The following BNC2 variants were observed in gnomAD, a reference collection of about 807,000 sequenced individuals.
BNC2 encodes zinc finger protein basonuclin-2.
A neutral mutation model predicts 76.3 loss-of-function variants in BNC2; 20 were observed. The observed-to-expected ratio is 0.26, with a 90% CI of 0.18 to 0.38. The LOEUF (loss-of-function observed/expected upper bound fraction) is 0.38, where lower values mean the gene tolerates loss of function less well. Ranked by LOEUF, BNC2 falls within the 10% of genes least tolerant of loss-of-function variation. The pLI is 1.00. For missense variants in BNC2, 1,382 were observed against 1,399.8 expected (o/e 0.99, Z 0.20); for synonymous variants, 582 against 514.8 (o/e 1.13, Z -1.77).
chr9:16,796,597 G>GAAGGGAAGGGAAGGGAAAGGGA (rs1221925210), intron 1 of BNC2, among the ~76,000 whole-genome samples: 1 of 149,448 alleles, frequency 6.7e-6, no homozygotes, highest in East Asian at 2.0e-4. Context: ...AAAAGGAAAG[G>GAAGGGAAGGGAAGGGAAAGGGA]AAGGGAAGGG....
chr9:16,578,045 T>A (rs1819534227), intron 4 of BNC2, among the ~76,000 whole-genome samples: 1 of 152,156 alleles, frequency 6.6e-6, no homozygotes. Flanking sequence ...AAAAAAATTT[T>A]TTTTTGTTTT....
At chr9:16,422,698 G>A (rs1361954400) in intron 6 of BNC2, among the ~76,000 whole-genome samples, 1 of 152,176 alleles carries the variant, frequency 6.6e-6, no homozygotes, top group East Asian at 1.9e-4. Flanking sequence ...TATTCCTAAG[G>A]TGGAAGGAAG....
intron 3 of BNC2, among the ~76,000 whole-genome samples, chr9:16,710,971 T>C (rs1339238352): frequency 6.6e-6 from 1 of 152,216 alleles, no homozygotes; most frequent in Non-Finnish European, 1.5e-5. Flanking sequence ...AGCAATTTTC[T>C]ATTCCCCAAA....
At chr9:16,808,710 T>G (rs1238522897) in intron 1 of BNC2, among the ~76,000 whole-genome samples, 1 of 151,530 alleles carries the variant, frequency 6.6e-6, no homozygotes, top group Non-Finnish European at 1.5e-5. Flanking sequence ...TTTTTTTATT[T>G]CAACTTCAAT....
intron 6 of BNC2, among the ~76,000 whole-genome samples, chr9:16,433,178 A>C (rs1820939848): frequency 6.6e-6 from 1 of 152,222 alleles, no homozygotes; most frequent in African/African-American, 2.4e-5. Context: ...TTTCTTAAGA[A>C]AATATAATGT....
intron 4 of BNC2, among the ~76,000 whole-genome samples, chr9:16,578,621 A>G (rs1170815320): frequency 6.6e-6 from 1 of 151,506 alleles, no homozygotes; most frequent in Non-Finnish European, 1.5e-5. Flanking sequence ...CCAAATTGCT[A>G]CTCTAGTGTG....
At chr9:16,661,110 C>T (rs1822098560) in intron 3 of BNC2, among the ~76,000 whole-genome samples, 1 of 152,134 alleles carries the variant, frequency 6.6e-6, no homozygotes. Context: ...ACCTTCCCAA[C>T]GTCATGTGGT....
At chr9:16,847,736 C>T (rs533821660) in intron 1 of BNC2, among the ~76,000 whole-genome samples, 1 of 152,172 alleles carries the variant, frequency 6.6e-6, no homozygotes, top group South Asian at 2.1e-4. Context: ...AATCATGATC[C>T]AGTTAGGATC....
chr9:16,777,543 A>G (rs1826002401), intron 1 of BNC2, among the ~76,000 whole-genome samples: 1 of 152,038 alleles, frequency 6.6e-6, no homozygotes. Context: ...CACTAAAAAT[A>G]CAAAAAAATT....
chr9:16,665,483 AAAG>A (rs1306064208), intron 3 of BNC2, among the ~76,000 whole-genome samples: 6 of 136,408 alleles, frequency 4.4e-5, no homozygotes, highest in Non-Finnish European at 9.1e-5. Context: ...AGAAAGAAAG[AAAG>A]AAAGAGAGAG....
At chr9:16,856,746 T>G (rs1819267494) in intron 1 of BNC2, among the ~76,000 whole-genome samples, 1 of 152,214 alleles carries the variant, frequency 6.6e-6, no homozygotes, top group Non-Finnish European at 1.5e-5. Flanking sequence ...CAGCCAAGTA[T>G]GTTTTCTTTT....
At chr9:16,460,240 A>T (rs1271434043) in intron 5 of BNC2, among the ~76,000 whole-genome samples, 1 of 152,148 alleles carries the variant, frequency 6.6e-6, no homozygotes, top group Non-Finnish European at 1.5e-5. Flanking sequence ...ATCAGGAAAA[A>T]AGGATTAAGC....
chr9:16,481,503 C>G (rs577672031), intron 5 of BNC2, among the ~76,000 whole-genome samples: 1 of 152,052 alleles, frequency 6.6e-6, no homozygotes, highest in African/African-American at 2.4e-5. Flanking sequence ...CAAACACATC[C>G]GAACATCAGA....
intron 3 of BNC2, among the ~76,000 whole-genome samples, chr9:16,667,587 T>TA (rs1822338221): frequency 6.6e-6 from 1 of 152,232 alleles, no homozygotes; most frequent in Admixed American, 6.5e-5. Flanking sequence ...CTTCTTGACA[T>TA]AATTAAATTA....
intron 6 of BNC2, among the ~76,000 whole-genome samples, chr9:16,431,640 T>A (rs1820909893): frequency 6.6e-6 from 1 of 152,158 alleles, no homozygotes; most frequent in African/African-American, 2.4e-5. Context: ...CACCTTGCTA[T>A]CAGGATATAC....
At chr9:16,644,093 A>G (rs1181991088) in intron 3 of BNC2, among the ~76,000 whole-genome samples, 1 of 152,206 alleles carries the variant, frequency 6.6e-6, no homozygotes, top group Non-Finnish European at 1.5e-5. Context: ...AACCTACATC[A>G]AAAGACTTTG....
At chr9:16,499,063 A>T (rs1020117138) in intron 5 of BNC2, among the ~76,000 whole-genome samples, 1 of 152,216 alleles carries the variant, frequency 6.6e-6, no homozygotes, top group Non-Finnish European at 1.5e-5. Context: ...CTTACAACAA[A>T]CCACAATGTA....
intron 3 of BNC2, among the ~76,000 whole-genome samples, chr9:16,718,289 A>C (rs1397561641): frequency 6.6e-6 from 1 of 152,210 alleles, no homozygotes; most frequent in Admixed American, 6.5e-5. Context: ...TACTGAAACA[A>C]GCTCTCCCAG....
chr9:16,487,855 T>G (rs1395748673), intron 5 of BNC2, among the ~76,000 whole-genome samples: 1 of 152,246 alleles, frequency 6.6e-6, no homozygotes, highest in Non-Finnish European at 1.5e-5. Flanking sequence ...TGGTCTTTCC[T>G]AATGCAGGAT....
Sources: gnomAD v4.1 joint callset for allele counts (sites outside exome capture counted in the v4.1 genomes callset) on GRCh38, gnomAD v4.1.1 for gene constraint, MANE v1.5 for transcripts, NCBI Gene and HGNC (gene_info 2026-07-23, HGNC 2026-07-21) for gene names.